Variants in FUT8 observed in about 807,000 individuals in gnomAD.
FUT8 encodes fucosyltransferase 8, also known as alpha-(1,6)-fucosyltransferase.
In FUT8, 29 loss-of-function variants were observed where a neutral mutation model predicts 71.3. The ratio of observed to expected loss-of-function variants is 0.41; its 90% CI spans 0.30 to 0.55. FUT8 has a LOEUF of 0.55. FUT8 is among the 20% of genes least tolerant of loss of function. The pLI, the probability that FUT8 is intolerant of heterozygous loss-of-function variation, is 0.34. For synonymous variants in FUT8, 254 were observed against 239.3 expected, an observed-to-expected ratio of 1.06 and a Z score of -0.57; for missense variants, 544 against 702.1, an observed-to-expected ratio of 0.77 and a Z score of 2.55.
intron 3 of FUT8, among the ~76,000 whole-genome samples, chr14:65,608,672 G>C (rs569023056): frequency 3.3e-5 from 5 of 151,788 alleles, no homozygotes. Flanking sequence ...TAACATGTAG[G>C]CATCCTTAAA....
At chr14:65,490,857 G>T (rs545776176) in intron 2 of FUT8, among the ~76,000 whole-genome samples, 1 of 152,026 alleles carries the variant, frequency 6.6e-6, no homozygotes. Flanking sequence ...TTTTGCAGAT[G>T]GCAGTTATGC....
Position 65,583,662 on chromosome 14 carries a change from T to C in FUT8, c.203+21896T>C, listed in dbSNP as rs77791983. Among the ~76,000 whole-genome samples, 870 of 149,288 alleles carry C rather than the reference T, an allele frequency of 5.8e-3. 31 individuals are homozygous for C. In the East Asian group the frequency reaches 0.094, roughly 16 times the overall value. On this transcript the variant is annotated intron_variant, in intron 3 of 10. Coordinates refer to ENST00000673929, the MANE Select transcript of FUT8 (RefSeq NM_001371533.1). ...AATAATAAGCAAAAAAAAAAAAGAA[T>C]GCTGAGTCAAATGCAATTAATTTAG...
intron 6 of FUT8, among the ~76,000 whole-genome samples, chr14:65,663,597 C>T (rs576672317): frequency 1.3e-5 from 2 of 152,204 alleles, no homozygotes; most frequent in Admixed American, 1.3e-4. Flanking sequence ...TTCATTTTCT[C>T]GTATCACCCT....
chr14:65,586,532 G>A (rs985648674), intron 3 of FUT8, among the ~76,000 whole-genome samples: 4 of 152,098 alleles, frequency 2.6e-5, no homozygotes, highest in Non-Finnish European at 4.4e-5. Context: ...TTATGATTTT[G>A]GAATCTAATG....
chr14:65,543,444 G>T (rs1375177974), intron 2 of FUT8, among the ~76,000 whole-genome samples: 1 of 152,004 alleles, frequency 6.6e-6, no homozygotes, highest in African/African-American at 2.4e-5. Context: ...TATACTTTTA[G>T]CTCTTGCTCT....
chr14:65,696,702 T>C (rs1050494312), intron 7 of FUT8, among the ~76,000 whole-genome samples: 3 of 152,152 alleles, frequency 2.0e-5, no homozygotes, highest in African/African-American at 7.2e-5. Flanking sequence ...TCCCATTACA[T>C]GTATGTCCAC....
intron 2 of FUT8, among the ~76,000 whole-genome samples, chr14:65,477,097 AG>A (rs1355874776): frequency 6.6e-6 from 1 of 152,150 alleles, no homozygotes; most frequent in Non-Finnish European, 1.5e-5. Context: ...TATGGCCATC[AG>A]GGTGTTTGTT....
At chr14:65,399,734 T>G in the FUT8 span, among the ~76,000 whole-genome samples, 2 of 152,240 alleles carry the variant, frequency 1.3e-5, no homozygotes, top group African/African-American at 4.8e-5. Context: ...AAGGAAAAAG[T>G]TAATTAGATT....
chr14:65,602,370 C>T, intron 3 of FUT8, among the ~76,000 whole-genome samples: 1 of 136,786 alleles, frequency 7.3e-6, no homozygotes, highest in Admixed American at 7.3e-5. Context: ...CACACACACA[C>T]ACACACACAC....
intron 2 of FUT8, chr14:65,529,611 C>G (rs1172690097): frequency 6.5e-6 from 1 of 152,958 alleles, no homozygotes; most frequent in Non-Finnish European, 1.5e-5. Flanking sequence ...CTGGACTCCT[C>G]TCTGGTGGTT....
chr14:65,461,750 T>C (rs9635251), intron 2 of FUT8, among the ~76,000 whole-genome samples: 18,812 of 152,070 alleles, frequency 0.12, 1,499 homozygotes, highest in East Asian at 0.38. Flanking sequence ...AGACAATGAG[T>C]ATTGCCAAGG....
At chr14:65,481,612 A>G (rs148641819) in intron 2 of FUT8, among the ~76,000 whole-genome samples, 211 of 152,036 alleles carry the variant, frequency 1.4e-3, no homozygotes, top group Admixed American at 2.2e-3. Context: ...TTCCCCCACT[A>G]CTACCCATCC....
rs1198080909 is a variant in FUT8, at chr14:65,472,034, G to A, written c.-228+16316G>A. Among the ~76,000 whole-genome samples the A allele has an allele frequency of 6.6e-6, 1 of 152,126 alleles. No individual in the cohort carries two copies. Among genetic ancestry groups the A allele is most frequent in the Non-Finnish European group, 1.5e-5 (1 of 68,016 alleles). ...GATCATAGGACTGATTCTTATTATTGATGAATTGACTGCCTTGTCTTGTTT... is the reference window on the plus strand; with the variant it reads ...GATCATAGGACTGATTCTTATTATTAATGAATTGACTGCCTTGTCTTGTTT... On this transcript the variant is annotated intron_variant, in intron 2 of 10. Coordinates refer to ENST00000673929, the MANE Select transcript of FUT8 (RefSeq NM_001371533.1). This position sits in a 1 kb window ranked among gnomAD's most constrained non-coding sequence, Gnocchi z 4.4.
intron 2 of FUT8, among the ~76,000 whole-genome samples, chr14:65,523,954 C>T (rs547943504): frequency 2.0e-5 from 3 of 152,284 alleles, no homozygotes; most frequent in South Asian, 2.1e-4. Context: ...GTACCAGTAC[C>T]ATGCTGTTTT....
At chr14:65,715,142 C>T (rs144776726) in intron 7 of FUT8, among the ~76,000 whole-genome samples, 2 of 152,302 alleles carry the variant, frequency 1.3e-5, no homozygotes, top group African/African-American at 4.8e-5. Context: ...CAGAGAGCAT[C>T]TTTGTTGTGT....
intron 5 of FUT8, chr14:65,617,203 C>A: frequency 6.6e-7 from 1 of 1,521,564 alleles, no homozygotes; most frequent in Admixed American, 2.5e-5. Flanking sequence ...TAAGAGATTT[C>A]ATATTTATTA....
Position 65,669,187 on chromosome 14 carries a change from C to A in FUT8, c.598-56C>A. 1 of 1,244,492 alleles carries A rather than the reference C, an allele frequency of 8.0e-7. No individual in the cohort carries two copies. Among genetic ancestry groups the A allele is most frequent in the Non-Finnish European group, 1.1e-6 (1 of 880,550 alleles). The allele number at this position is 1,244,492 out of a possible 1,614,324, so 77.1% of individuals were successfully genotyped here. A position where few individuals can be genotyped will look rare whatever the true frequency, so the allele number is the denominator to read the frequency against. On this transcript the variant is annotated intron_variant, in intron 6 of 10. Transcript: ENST00000673929. This position sits in a 1 kb window ranked among gnomAD's most constrained non-coding sequence, Gnocchi z 4.5. Reference sequence around the variant, plus strand: ...ATGAAAGATTAAAAAAAAAAAAGAGCAGTTGACCTCTCTGTACAACTTATC... The same window carrying A: ...ATGAAAGATTAAAAAAAAAAAAGAGAAGTTGACCTCTCTGTACAACTTATC...
intron 5 of FUT8, among the ~76,000 whole-genome samples, chr14:65,621,395 A>G (rs903394373): frequency 6.6e-6 from 1 of 150,874 alleles, no homozygotes; most frequent in Non-Finnish European, 1.5e-5. Context: ...AACTACAGGC[A>G]CACGCCACCA....
chr14:65,667,611 C>T (rs1170383902), intron 6 of FUT8, among the ~76,000 whole-genome samples: 3 of 152,110 alleles, frequency 2.0e-5, no homozygotes, highest in African/African-American at 7.2e-5. Context: ...AAGCAATCTA[C>T]AGATTCTATG....
Sources: gnomAD v4.1 joint callset for allele counts (sites outside exome capture counted in the v4.1 genomes callset) on GRCh38, gnomAD v4.1.1 for gene constraint, Gnocchi (gnomAD v3.1) non-coding constraint, MANE v1.5 for transcripts, NCBI Gene and HGNC (gene_info 2026-07-23, HGNC 2026-07-21) for gene names.